ST8SIA1: variants seen among roughly 807,000 people sequenced by gnomAD.
ST8SIA1 encodes the protein ST8 alpha-N-acetyl-neuraminide alpha-2,8-sialyltransferase 1.
In ST8SIA1, 16 loss-of-function variants were observed where a neutral mutation model predicts 35.9. The ratio of observed to expected loss-of-function variants is 0.45; its 90% CI spans 0.30 to 0.68. ST8SIA1 has a LOEUF of 0.68. Ranked by LOEUF, ST8SIA1 falls within the 30% of genes least tolerant of loss-of-function variation. ST8SIA1 has a pLI of 0.09. For missense variants in ST8SIA1, 383 were observed against 453.6 expected, an observed-to-expected ratio of 0.84 and a Z score of 1.41; for synonymous variants, 170 against 169.6, an observed-to-expected ratio of 1.00 and a Z score of -0.02.
At position 22,246,446 on chromosome 12, in the gene ST8SIA1, C is replaced by T. The variant is rs113669064; in HGVS notation, c.584+2560G>A. ...TTATGAAATAGATATTTGAGATCTT[C>T]GATCTCATTCCGTAGCGTACAATGC... On this transcript the variant is annotated intron_variant, in intron 4 of 4. Coordinates refer to ENST00000396037, the MANE Select transcript of ST8SIA1 (RefSeq NM_003034.4). 3.6e-3 allele frequency among the ~76,000 whole-genome samples: 543 copies of T among 151,824 alleles called. 3 individuals carry two copies. The highest frequency in any genetic ancestry group is 0.012 in the African/African-American group (496 of 41,358).
intron 4 of ST8SIA1, among the ~76,000 whole-genome samples, chr12:22,229,002 T>C (rs1336687365): frequency 2.2e-5 from 3 of 139,178 alleles, no homozygotes; most frequent in African/African-American, 5.4e-5. Flanking sequence ...CGCAGTAAGC[T>C]GAGATCGCAC....
chr12:22,246,501 T>C (rs1865604305), intron 4 of ST8SIA1, among the ~76,000 whole-genome samples: 1 of 152,170 alleles, frequency 6.6e-6, no homozygotes. Context: ...CACAGTGCTA[T>C]CTTTTTGCAT....
chr12:22,197,149 C>T lies in ST8SIA1; in HGVS notation c.*4403G>A, dbSNP rs937771879. ...GTTAACCCACTTCTACCACTTCCAC[C>T]CCTGACGTGTGCCCAATAAAAGTCA... On this transcript the variant is annotated 3_prime_UTR_variant, in exon 5 of 5. Transcript: ENST00000396037. 3.9e-5 allele frequency: 6 copies of T among 152,300 alleles called. No homozygotes were observed. Among genetic ancestry groups the T allele is most frequent in the Admixed American group, 3.9e-4 (6 of 15,292 alleles). 9.4% of individuals were successfully genotyped at this position (152,300 alleles called of 1,614,324 possible). A position where few individuals can be genotyped will look rare whatever the true frequency, so the allele number is the denominator to read the frequency against.
intron 4 of ST8SIA1, among the ~76,000 whole-genome samples, chr12:22,232,152 G>A (rs1326858391): frequency 6.6e-6 from 1 of 152,120 alleles, no homozygotes; most frequent in Non-Finnish European, 1.5e-5. Flanking sequence ...TAAAATCATG[G>A]TTTCAGCAAC....
chr12:22,241,065 C>T (rs1865535657), intron 4 of ST8SIA1, among the ~76,000 whole-genome samples: 1 of 151,256 alleles, frequency 6.6e-6, no homozygotes, highest in Admixed American at 6.6e-5. Flanking sequence ...TAACCCTAAC[C>T]CTAACCCTAA....
At chr12:22,326,817 G>C (rs1191958443) in intron 1 of ST8SIA1, among the ~76,000 whole-genome samples, 1 of 152,184 alleles carries the variant, frequency 6.6e-6, no homozygotes, top group African/African-American at 2.4e-5. Flanking sequence ...GCTCCTGATA[G>C]AGCCAGGTCA....
chr12:22,205,056 T>G (rs1865091104), intron 4 of ST8SIA1, among the ~76,000 whole-genome samples: 1 of 152,186 alleles, frequency 6.6e-6, no homozygotes, highest in Admixed American at 6.5e-5. Flanking sequence ...ATCTAGTCAT[T>G]GCCCTGGTGA....
At chr12:22,263,041 G>A (rs546397609) in intron 2 of ST8SIA1, among the ~76,000 whole-genome samples, 100 of 152,290 alleles carry the variant, frequency 6.6e-4, no homozygotes, top group Non-Finnish European at 1.1e-3. Context: ...CTTATCAATA[G>A]TGGAGTTCTG....
chr12:22,241,018 G>C (rs1591832258), intron 4 of ST8SIA1, among the ~76,000 whole-genome samples: 1 of 117,414 alleles, frequency 8.5e-6, no homozygotes, highest in Non-Finnish European at 1.7e-5. Flanking sequence ...TTGCTCTGTT[G>C]CCCAGGCAAG....
intron 2 of ST8SIA1, among the ~76,000 whole-genome samples, chr12:22,265,874 C>A (rs1865841973): frequency 6.6e-6 from 1 of 151,952 alleles, no homozygotes; most frequent in Admixed American, 6.6e-5. Context: ...AAAGCTAGTG[C>A]AAATCACTTT....
At chr12:22,332,995 G>A (rs1866788861) in intron 1 of ST8SIA1, among the ~76,000 whole-genome samples, 1 of 152,180 alleles carries the variant, frequency 6.6e-6, no homozygotes, top group African/African-American at 2.4e-5. Context: ...CCTCGCAGTG[G>A]TGGAAGCACC....
At chr12:22,264,741 T>C (rs1865828350) in intron 2 of ST8SIA1, among the ~76,000 whole-genome samples, 1 of 152,172 alleles carries the variant, frequency 6.6e-6, no homozygotes, top group Non-Finnish European at 1.5e-5. Flanking sequence ...AGAATATTTG[T>C]AGTTTCCTAC....
chr12:22,257,206 AATTATT>A lies in ST8SIA1; in HGVS notation c.382-1823_382-1818del, dbSNP rs561711607. Among the ~76,000 whole-genome samples the A allele has an allele frequency of 5.3e-5, 8 of 151,822 alleles. No homozygotes were observed. In the South Asian group the frequency reaches 1.5e-3, roughly 28 times the overall value. ...GGAGATGCTTTCAGAGAGGAACTGC[AATTATT>A]ATTATTATTATTTTCTTTTGAGACA... On this transcript the variant is annotated intron_variant, in intron 2 of 4. Coordinates refer to ENST00000396037, the MANE Select transcript of ST8SIA1 (RefSeq NM_003034.4).
chr12:22,286,507 C>T, intron 2 of ST8SIA1: 1 of 518,796 alleles, frequency 1.9e-6, no homozygotes, highest in Non-Finnish European at 3.8e-6. Context: ...AAGATCTCCC[C>T]TCCCCAAAAC....
Position 22,334,102 on chromosome 12 carries a change from T to G in ST8SIA1, c.131A>C (p.Tyr44Ser), listed in dbSNP as rs1866811798. Residue 44 changes from tyrosine to serine, a missense_variant, in exon 1 of 5, where the codon TAC becomes TCC. Coordinates refer to ENST00000396037, the MANE Select transcript of ST8SIA1 (RefSeq NM_003034.4). ...GGGCAGCCGGTAGACGGGGAAGATG[T>G]AGAGCCAACAGAGGACCACGACACA... The part of the protein sequence containing the change: ...ALCVVVLCWL[Y>S]IFPVYRLPNE... 6.2e-7 allele frequency: 1 copy of G among 1,613,708 alleles called. No homozygotes were observed. The highest frequency in any genetic ancestry group is 8.5e-7 in the Non-Finnish European group (1 of 1,179,968).
chr12:22,270,323 T>C (rs922020176), intron 2 of ST8SIA1, among the ~76,000 whole-genome samples: 3 of 152,194 alleles, frequency 2.0e-5, no homozygotes, highest in Non-Finnish European at 4.4e-5. Context: ...GCAAAGAGTC[T>C]AGCACATAGT....
At chr12:22,320,975 G>GAAAGA (rs1866584960) in intron 1 of ST8SIA1, among the ~76,000 whole-genome samples, 1 of 86,376 alleles carries the variant, frequency 1.2e-5, no homozygotes, top group Non-Finnish European at 2.2e-5. Context: ...AAGAAAGAAA[G>GAAAGA]AAAGAAAGAA....
intron 1 of ST8SIA1, among the ~76,000 whole-genome samples, chr12:22,321,003 G>GAAAGAAAGAAGAAAGAAAGAAAGA (rs377218947): frequency 1.3e-4 from 10 of 76,620 alleles, no homozygotes; most frequent in Admixed American, 3.3e-4. Context: ...AAGAAAGAAA[G>GAAAGAAAGAAGAAAGAAAGAAAGA]AAGAAAGAAA....
chr12:22,204,859 T>C (rs1176990208), intron 4 of ST8SIA1, among the ~76,000 whole-genome samples: 2 of 152,096 alleles, frequency 1.3e-5, no homozygotes, highest in Non-Finnish European at 2.9e-5. Flanking sequence ...TGATCAAGAG[T>C]TTAATGGGGT....
Sources: gnomAD v4.1 joint callset for allele counts (sites outside exome capture counted in the v4.1 genomes callset) on GRCh38, gnomAD v4.1.1 for gene constraint, MANE v1.5 for transcripts, NCBI Gene and HGNC (gene_info 2026-07-23, HGNC 2026-07-21) for gene names.